Variants in AGBL1 observed in about 807,000 individuals in gnomAD.
AGBL1 encodes the protein cytosolic carboxypeptidase 4.
A neutral mutation model predicts 118.9 loss-of-function variants in AGBL1; 130 were observed. The observed-to-expected ratio is 1.09, with a 90% CI of 0.95 to 1.26. The LOEUF (loss-of-function observed/expected upper bound fraction) is 1.26, where lower values mean the gene tolerates loss of function less well. AGBL1 is among the 50% of genes most tolerant of loss of function. The pLI, the probability that AGBL1 is intolerant of heterozygous loss-of-function variation, is 0.00. For synonymous variants in AGBL1, 555 were observed against 478.9 expected (o/e 1.16, Z -2.08); for missense variants, 1,584 against 1,298.1 (o/e 1.22, Z -3.38).
At chr15:86,899,026 T>C (rs952786553) in intron 22 of AGBL1, among the ~76,000 whole-genome samples, 2 of 152,160 alleles carry the variant, frequency 1.3e-5, no homozygotes, top group African/African-American at 4.8e-5. Flanking sequence ...AACCCAGCAA[T>C]TCCATTCCTG....
downstream of AGBL1, among the ~76,000 whole-genome samples, chr15:86,918,396 C>G (rs778280555): frequency 7.9e-5 from 12 of 152,146 alleles, no homozygotes; most frequent in Non-Finnish European, 1.5e-4. Context: ...GGAAATGTTC[C>G]TAGTGGCAGT....
intron 16 of AGBL1, among the ~76,000 whole-genome samples, chr15:86,291,259 C>T (rs1306037901): frequency 6.6e-6 from 1 of 152,154 alleles, no homozygotes; most frequent in Non-Finnish European, 1.5e-5. Context: ...CCTCTTCTTT[C>T]AAGATCTAAG....
intron 6 of AGBL1, among the ~76,000 whole-genome samples, chr15:86,230,110 G>A (rs549427672): frequency 5.3e-5 from 8 of 152,296 alleles, no homozygotes; most frequent in Admixed American, 1.3e-4. Flanking sequence ...GATCTTCCTC[G>A]TTAATGCTCT....
At chr15:86,376,058 A>C (rs1387429809) in intron 17 of AGBL1, among the ~76,000 whole-genome samples, 1 of 152,222 alleles carries the variant, frequency 6.6e-6, no homozygotes, top group Non-Finnish European at 1.5e-5. Context: ...CTATGTGAGC[A>C]TATGGAGAGC....
rs374704547 is a variant in AGBL1 at position 86,545,998 on chromosome 15, G to C, written c.2686-4G>C. ...TTATTTTCTCCTTTGTTGGGCTATT[G>C]TAGGTTTTCTGTGACTTCCATGGCC... On this transcript the variant is annotated splice_polypyrimidine_tract_variant and splice_region_variant and intron_variant, in intron 19 of 22. Transcript: ENST00000614907. 2.5e-6 allele frequency: 4 copies of C among 1,612,402 alleles called. No individual in the cohort carries two copies. The African/African-American group carries it at 5.3e-5, about 22-fold the overall frequency.
intron 13 of AGBL1, 25 bp from the exon 14 acceptor site, chr15:86,269,894 C>G: frequency 6.2e-7 from 1 of 1,610,844 alleles, no homozygotes; most frequent in Non-Finnish European, 8.5e-7. Flanking sequence ...CCAGATAACC[C>G]TCCAGTCTTG....
Position 86,877,131 on chromosome 15 carries a change from G to C in AGBL1, c.3159-29956G>C, listed in dbSNP as rs147164785. 2.8e-4 allele frequency among the ~76,000 whole-genome samples: 42 copies of C among 152,164 alleles called. No individual in the cohort carries two copies. In the East Asian group the frequency reaches 8.1e-3, roughly 29 times the overall value. The stretch of plus-strand genomic sequence containing the variant: ...AATTATCAAATTCCAACCTTTCTCT[G>C]TTCAAATGCATAAAAGCCCCATAAC... On this transcript the variant is annotated intron_variant, in intron 22 of 22. Coordinates refer to ENST00000614907, the MANE Select transcript of AGBL1 (RefSeq NM_001386094.1).
At chr15:86,421,729 T>C (rs56208180) in intron 18 of AGBL1, among the ~76,000 whole-genome samples, 6,043 of 152,118 alleles carry the variant, frequency 0.04, 406 homozygotes, top group African/African-American at 0.14. Flanking sequence ...AAGACACACA[T>C]AGGCTCAAAA....
At chr15:86,970,664 C>G (rs964443376) in intron 23 of AGBL1, among the ~76,000 whole-genome samples, 9 of 151,940 alleles carry the variant, frequency 5.9e-5, no homozygotes, top group African/African-American at 1.9e-4. Flanking sequence ...CAATTTTTCT[C>G]TTTATCCTAG....
chr15:86,268,699 C>T (rs1461909309), intron 13 of AGBL1, among the ~76,000 whole-genome samples: 1 of 152,122 alleles, frequency 6.6e-6, no homozygotes, highest in Non-Finnish European at 1.5e-5. Flanking sequence ...TTGTGAGTGC[C>T]ACTCCATGGG....
chr15:87,014,491 G>T (rs982777062), intron 24 of AGBL1, among the ~76,000 whole-genome samples: 1 of 152,168 alleles, frequency 6.6e-6, no homozygotes, highest in African/African-American at 2.4e-5. Flanking sequence ...AAAACATGAT[G>T]TAATTGGGCT....
chr15:86,538,386 A>G (rs558620583), intron 19 of AGBL1, among the ~76,000 whole-genome samples: 1 of 152,350 alleles, frequency 6.6e-6, no homozygotes, highest in South Asian at 2.1e-4. Flanking sequence ...ACTCAGATGA[A>G]GCACTTACTA....
chr15:86,738,968 T>C (rs1329803915), intron 22 of AGBL1, among the ~76,000 whole-genome samples: 1 of 150,986 alleles, frequency 6.6e-6, no homozygotes, highest in Non-Finnish European at 1.5e-5. Flanking sequence ...TGAGACCTCA[T>C]CTCTAAAAAA....
intron 5 of AGBL1, among the ~76,000 whole-genome samples, chr15:86,200,559 C>CG (rs2077889386): frequency 7.0e-6 from 1 of 143,814 alleles, no homozygotes; most frequent in Non-Finnish European, 1.5e-5. Context: ...TACCCCCCCC[C>CG]CCCTTTTTTT....
At chr15:86,207,009 A>G (rs1597550694) in intron 5 of AGBL1, among the ~76,000 whole-genome samples, 1 of 152,344 alleles carries the variant, frequency 6.6e-6, no homozygotes, top group East Asian at 1.9e-4. Context: ...GAAGGGATCC[A>G]GTTTCAGCTT....
intron 6 of AGBL1, among the ~76,000 whole-genome samples, chr15:86,245,071 G>GA (rs892526555): frequency 5.9e-5 from 9 of 151,744 alleles, no homozygotes; most frequent in African/African-American, 2.2e-4. Flanking sequence ...GTTGTAAAGA[G>GA]AAAAAAACAA....
At chr15:86,264,128 C>G (rs534101935) in intron 10 of AGBL1, 130 bp from the exon 11 acceptor site, 2 of 781,654 alleles carry the variant, frequency 2.6e-6, no homozygotes, top group Non-Finnish European at 4.0e-6. Context: ...TTTAGTTGAC[C>G]TTGGAAAAAG....
intron 18 of AGBL1, among the ~76,000 whole-genome samples, chr15:86,507,446 G>A (rs939491759): frequency 6.6e-6 from 1 of 152,064 alleles, no homozygotes; most frequent in Admixed American, 6.6e-5. Flanking sequence ...TTGGGGCTGA[G>A]GATACAGTAG....
intron 22 of AGBL1, among the ~76,000 whole-genome samples, chr15:86,854,191 T>C (rs957887013): frequency 1.3e-5 from 2 of 152,172 alleles, no homozygotes; most frequent in African/African-American, 2.4e-5. Flanking sequence ...AAATTTGCAC[T>C]AGCCATCTTA....
Sources: gnomAD v4.1 joint callset for allele counts (sites outside exome capture counted in the v4.1 genomes callset) on GRCh38, gnomAD v4.1.1 for gene constraint, MANE v1.5 for transcripts, NCBI Gene and HGNC (gene_info 2026-07-23, HGNC 2026-07-21) for gene names.